The following CALM2 variants were observed in gnomAD, a reference collection of about 807,000 sequenced individuals.
CALM2 encodes calmodulin-2.
Under a neutral mutation model 19.8 loss-of-function variants are expected in CALM2, and 2 were observed. The ratio of observed to expected loss-of-function variants is 0.10; its 90% CI spans 0.04 to 0.32. CALM2 has a LOEUF of 0.32. CALM2 is among the 10% of genes least tolerant of loss of function. CALM2 has a pLI of 1.00. For missense variants in CALM2, 38 were observed against 178.7 expected (o/e 0.21, Z 4.49); for synonymous variants, 51 against 52.1 (o/e 0.98, Z 0.09).
chr2:47,174,727 A>C (rs1666790329), intron 1 of CALM2, among the ~76,000 whole-genome samples: 1 of 152,168 alleles, frequency 6.6e-6, no homozygotes, highest in Non-Finnish European at 1.5e-5. Flanking sequence ...AAACTGATTA[A>C]AGAAAACTTT....
chr2:47,168,288 T>G (rs1666554084), intron 2 of CALM2, among the ~76,000 whole-genome samples: 1 of 152,098 alleles, frequency 6.6e-6, no homozygotes, highest in South Asian at 2.1e-4. Context: ...AAAGGCAGGA[T>G]AAGAAGAGAA....
chr2:47,170,799 G>A (rs1390343894), intron 1 of CALM2, 35 bp from the exon 2 acceptor site: 1 of 1,585,096 alleles, frequency 6.3e-7, no homozygotes, highest in Middle Eastern at 1.7e-4. Flanking sequence ...TTAGTGACTT[G>A]AGAGTATGTA....
intron 1 of CALM2, chr2:47,172,476 T>C: frequency 8.5e-7 from 1 of 1,179,252 alleles, no homozygotes; most frequent in Non-Finnish European, 1.1e-6. Flanking sequence ...AGTTAAATGA[T>C]AACCATTATT....
At chr2:47,175,807 A>G (rs1290388075) in intron 1 of CALM2, among the ~76,000 whole-genome samples, 1 of 147,880 alleles carries the variant, frequency 6.8e-6, no homozygotes, top group Admixed American at 6.7e-5. Flanking sequence ...GGGTCCCGCG[A>G]GGCGCTCGCC....
intron 2 of CALM2, among the ~76,000 whole-genome samples, chr2:47,167,008 TAA>T (rs1202572321): frequency 3.3e-5 from 5 of 152,178 alleles, no homozygotes; most frequent in African/African-American, 9.6e-5. Flanking sequence ...ATAATTTTAT[TAA>T]AATAACATGT....
In CALM2 at chr2:47,175,032, G is replaced by A. The variant is rs1191728160; in HGVS notation, c.3+1409C>T. On this transcript the variant is annotated intron_variant, in intron 1 of 5. Coordinates refer to ENST00000272298, the MANE Select transcript of CALM2 (RefSeq NM_001743.6). The stretch of plus-strand genomic sequence containing the variant: ...ACACACCCATCGCTGTAACCACTTG[G>A]CAGGAGGAACCACAAAGTAAGTATC... Among the ~76,000 whole-genome samples the A allele has an allele frequency of 2.0e-5, 3 of 148,912 alleles. No individual in the cohort carries two copies. In the East Asian group the frequency reaches 5.9e-4, roughly 29 times the overall value.
In CALM2 at chr2:47,161,844, A is replaced by G. The variant is rs3729955; in HGVS notation, c.300T>C (p.Tyr100=). The change falls in exon 5 of 6, where the codon TAT becomes TAC. Residue 100 remains tyrosine, a synonymous_variant. Transcript: ENST00000272298. ...FRVFDKDGNG[Y]ISAAELRHVM... ...CATGGCGAAGTTCTGCAGCACTAAT[A>G]TAGCCATTGCCATCCTAGCAAAAAA... The G allele has an allele frequency of 3.7e-6, 6 of 1,611,012 alleles. No individual in the cohort carries two copies. The highest frequency in any genetic ancestry group is 5.1e-6 in the Non-Finnish European group (6 of 1,178,978).
upstream of CALM2, chr2:47,176,753 C>T (rs190880431): frequency 2.0e-3 from 2,018 of 985,448 alleles, 32 homozygotes; most frequent in African/African-American, 0.033. Flanking sequence ...GTGGAGCGGC[C>T]CCTGAGGGGC....
chr2:47,176,228 C>T (rs1160190142), intron 1 of CALM2: 1 of 584,216 alleles, frequency 1.7e-6, no homozygotes, highest in Non-Finnish European at 3.0e-6. Flanking sequence ...GTCCGGCCCT[C>T]AACTCACTAG....
At chr2:47,165,896 T>C (rs544958674) in intron 2 of CALM2, among the ~76,000 whole-genome samples, 1 of 152,348 alleles carries the variant, frequency 6.6e-6, no homozygotes, top group Admixed American at 6.5e-5. Context: ...AATTCTATCA[T>C]TTAAATACTG....
upstream of CALM2, chr2:47,176,610 A>C: frequency 1.1e-5 from 17 of 1,527,394 alleles, no homozygotes; most frequent in Non-Finnish European, 1.5e-5. Flanking sequence ...AGTCCCGGCC[A>C]ACCCCCTCCC....
intron 1 of CALM2, chr2:47,172,283 G>C (rs375113897): frequency 1.8e-5 from 6 of 331,712 alleles, no homozygotes; most frequent in Non-Finnish European, 3.7e-5. Flanking sequence ...TGCGTGGCGT[G>C]GGGGGAAAGC....
chr2:47,168,051 G>A (rs1666546049), intron 2 of CALM2, among the ~76,000 whole-genome samples: 4 of 151,964 alleles, frequency 2.6e-5, no homozygotes, highest in South Asian at 2.1e-4. Context: ...GGATAGTAGT[G>A]CTCTAGAACT....
intron 2 of CALM2, among the ~76,000 whole-genome samples, chr2:47,167,292 C>G (rs1032151172): frequency 3.3e-5 from 5 of 152,064 alleles, no homozygotes; most frequent in Non-Finnish European, 7.4e-5. Context: ...TATCAGTCTT[C>G]CAAAAGTCAA....
chr2:47,168,626 G>A (rs56875665), intron 2 of CALM2, among the ~76,000 whole-genome samples: 3 of 151,996 alleles, frequency 2.0e-5, no homozygotes, highest in East Asian at 1.9e-4. Context: ...CCAGCTACTC[G>A]GGAGACTGAA....
intron 1 of CALM2, 67 bp downstream of exon 1, chr2:47,176,374 T>G: frequency 6.3e-7 from 1 of 1,591,872 alleles, no homozygotes; most frequent in Non-Finnish European, 8.6e-7. Context: ...GTTTCCTTTG[T>G]TTAGTCAGTT....
intron 1 of CALM2, among the ~76,000 whole-genome samples, chr2:47,175,419 A>ACTCCGGAGCCTGCTTCC: frequency 6.6e-6 from 1 of 152,238 alleles, no homozygotes; most frequent in South Asian, 2.1e-4. Context: ...GAAGGCAGTC[A>ACTCCGGAGCCTGCTTCC]CTCCGGAGCC....
At chr2:47,175,847 C>G (rs539731226) in intron 1 of CALM2, among the ~76,000 whole-genome samples, 13 of 147,820 alleles carry the variant, frequency 8.8e-5, no homozygotes, top group Non-Finnish European at 2.0e-4. Context: ...GCTCCCTGCG[C>G]CGCGCGGGCT....
At chr2:47,164,459 T>C (rs1034852578) in intron 2 of CALM2, among the ~76,000 whole-genome samples, 2 of 151,318 alleles carry the variant, frequency 1.3e-5, no homozygotes, top group African/African-American at 4.9e-5. Flanking sequence ...AAGCTGGGTG[T>C]GGCGGCGTGC....
Sources: gnomAD v4.1 joint callset for allele counts (sites outside exome capture counted in the v4.1 genomes callset) on GRCh38, gnomAD v4.1.1 for gene constraint, MANE v1.5 for transcripts, NCBI Gene and HGNC (gene_info 2026-07-23, HGNC 2026-07-21) for gene names.